The following TBCA variants were observed in gnomAD, a reference collection of about 807,000 sequenced individuals.
TBCA encodes tubulin folding cofactor A, also known as tubulin-specific chaperone A.
In TBCA, 6 loss-of-function variants were observed where a neutral mutation model predicts 15.8. The ratio of observed to expected loss-of-function variants is 0.38; its 90% CI spans 0.21 to 0.75. TBCA has a LOEUF of 0.75. Among genes scored for constraint, TBCA ranks in the 30% least tolerant of loss-of-function variants. TBCA has a pLI of 0.46. For synonymous variants in TBCA, 32 were observed against 42.3 expected (o/e 0.76, Z 0.94); for missense variants, 90 against 131.2 (o/e 0.69, Z 1.53).
At chr5:77,724,169 A>T (rs1023317229) in intron 1 of TBCA, among the ~76,000 whole-genome samples, 2 of 152,118 alleles carry the variant, frequency 1.3e-5, no homozygotes, top group Admixed American at 1.3e-4. Context: ...GACAATCATT[A>T]CTAGAGTTAG....
chr5:77,708,078 A>C (rs1295662534), intron 2 of TBCA, among the ~76,000 whole-genome samples, 164 bp downstream of exon 2: 1 of 152,196 alleles, frequency 6.6e-6, no homozygotes, highest in Non-Finnish European at 1.5e-5. Context: ...TGATTTGCGC[A>C]GTTATTTAAC....
At chr5:77,727,436 C>G (rs2112463480) in intron 1 of TBCA, among the ~76,000 whole-genome samples, 1 of 152,154 alleles carries the variant, frequency 6.6e-6, no homozygotes, top group South Asian at 2.1e-4. Flanking sequence ...GTTCCATGTT[C>G]TGATGGAGCT....
intron 1 of TBCA, among the ~76,000 whole-genome samples, chr5:77,755,349 T>A (rs460407): frequency 0.072 from 10,833 of 151,374 alleles, 539 homozygotes; most frequent in African/African-American, 0.14. Flanking sequence ...GAGGCCAAGG[T>A]GAGCAGATCA....
At chr5:77,761,291 G>C (rs1305971602) in intron 1 of TBCA, among the ~76,000 whole-genome samples, 28 of 152,186 alleles carry the variant, frequency 1.8e-4, no homozygotes, top group Non-Finnish European at 2.9e-5. Flanking sequence ...TCTGTACTAA[G>C]AAAAATTCTT....
chr5:77,700,115 G>A (rs1008048437), intron 2 of TBCA, among the ~76,000 whole-genome samples: 14 of 151,602 alleles, frequency 9.2e-5, no homozygotes, highest in African/African-American at 2.9e-4. Flanking sequence ...TGAGGTGGAA[G>A]GATCGTTTCA....
intron 2 of TBCA, among the ~76,000 whole-genome samples, chr5:77,704,004 T>C (rs377711564): frequency 1.0e-3 from 152 of 152,284 alleles, no homozygotes; most frequent in African/African-American, 3.4e-3. Flanking sequence ...TCCTGCCGCC[T>C]TGTGAAGAAG....
intron 1 of TBCA, among the ~76,000 whole-genome samples, chr5:77,743,938 G>T (rs901309650): frequency 6.6e-6 from 1 of 152,122 alleles, no homozygotes; most frequent in Non-Finnish European, 1.5e-5. Context: ...ATCCAAAGAG[G>T]CAATTAAATA....
chr5:77,720,584 G>A (rs1053388382), intron 1 of TBCA, among the ~76,000 whole-genome samples: 3 of 151,874 alleles, frequency 2.0e-5, no homozygotes, highest in Non-Finnish European at 4.4e-5. Context: ...CGTGGTGGCG[G>A]GCCCCTGTAA....
chr5:77,776,209 T>G lies in TBCA; in HGVS notation c.49A>C (p.Lys17Gln). Residue 17 changes from lysine (K) to glutamine (Q), a missense_variant, in exon 1 of 4, where the codon AAG becomes CAG. Coordinates refer to ENST00000380377, the MANE Select transcript of TBCA (RefSeq NM_004607.3). The part of the protein sequence containing the change: ...RQIKIKTGVV[K>Q]RLVKEKVMYE... Reference sequence around the variant, plus strand: ...GCGCCGCTCCCGGCTCCTTACCGCTTCACCACGCCGGTCTTGATCTTGATC... The same window carrying G: ...GCGCCGCTCCCGGCTCCTTACCGCTGCACCACGCCGGTCTTGATCTTGATC... The G allele has an allele frequency of 6.4e-7, 1 of 1,568,018 alleles. No homozygotes were observed. Among genetic ancestry groups the G allele is most frequent in the Non-Finnish European group, 8.6e-7 (1 of 1,157,488 alleles).
At chr5:77,755,840 A>G (rs1023211646) in intron 1 of TBCA, among the ~76,000 whole-genome samples, 1 of 151,992 alleles carries the variant, frequency 6.6e-6, no homozygotes, top group African/African-American at 2.4e-5. Flanking sequence ...CCCTGTCTCT[A>G]CTAAGAATAC....
At chr5:77,699,867 T>C (rs1745966603) in intron 2 of TBCA, among the ~76,000 whole-genome samples, 1 of 151,566 alleles carries the variant, frequency 6.6e-6, no homozygotes, top group Non-Finnish European at 1.5e-5. Context: ...GTGAAACCTT[T>C]TCTATACTAA....
chr5:77,693,671 T>C, intron 2 of TBCA: 1 of 283,072 alleles, frequency 3.5e-6, no homozygotes, highest in Non-Finnish European at 6.9e-6. Flanking sequence ...TGGTGGAGCA[T>C]GCCTGTAATC....
chr5:77,719,048 AAT>A (rs942513494), intron 1 of TBCA, among the ~76,000 whole-genome samples: 3 of 152,186 alleles, frequency 2.0e-5, no homozygotes, highest in African/African-American at 4.8e-5. Flanking sequence ...AAGGTGTGAA[AAT>A]ATGTCTCATA....
intron 1 of TBCA, 198 bp from the exon 2 acceptor site, chr5:77,708,545 A>AT: frequency 2.7e-6 from 1 of 375,014 alleles, no homozygotes; most frequent in Non-Finnish European, 4.8e-6. Flanking sequence ...ATACCTGCCT[A>AT]ACGTAAGTGC....
chr5:77,702,041 A>T (rs2112430319), intron 2 of TBCA, among the ~76,000 whole-genome samples: 1 of 152,130 alleles, frequency 6.6e-6, no homozygotes, highest in African/African-American at 2.4e-5. Context: ...TCAGAGGGAA[A>T]GGGTGGGAAT....
intron 1 of TBCA, among the ~76,000 whole-genome samples, chr5:77,743,679 T>G (rs936495486): frequency 7.2e-5 from 11 of 152,280 alleles, no homozygotes; most frequent in African/African-American, 2.2e-4. Flanking sequence ...GGGACAAATG[T>G]AGCAATGGGT....
chr5:77,733,682 G>A (rs919511523), intron 1 of TBCA, among the ~76,000 whole-genome samples: 1 of 152,248 alleles, frequency 6.6e-6, no homozygotes, highest in Non-Finnish European at 1.5e-5. Context: ...ACATCAAAGT[G>A]CAAGGGGAAG....
chr5:77,714,575 A>ATTTT (rs146736386), intron 1 of TBCA, among the ~76,000 whole-genome samples: 4,467 of 148,978 alleles, frequency 0.03, 162 homozygotes, highest in African/African-American at 0.086. Context: ...TATTATTATT[A>ATTTT]TTTTTTTTTG....
chr5:77,693,410 T>C, intron 2 of TBCA, 58 bp from the exon 3 acceptor site: 9 of 1,563,020 alleles, frequency 5.8e-6, no homozygotes, highest in Non-Finnish European at 6.9e-6. Context: ...GGTGTTTAGC[T>C]CATATCTTGG....
Sources: gnomAD v4.1 joint callset for allele counts (sites outside exome capture counted in the v4.1 genomes callset) on GRCh38, gnomAD v4.1.1 for gene constraint, MANE v1.5 for transcripts, NCBI Gene and HGNC (gene_info 2026-07-23, HGNC 2026-07-21) for gene names.